Variants in N4BP1 observed in about 807,000 individuals in gnomAD.
The protein encoded by N4BP1 is NEDD4-binding protein 1.
N4BP1 carries 21 observed loss-of-function variants against 70.9 expected under a neutral mutation model. The observed-to-expected ratio is 0.30, with a 90% CI of 0.21 to 0.43. The LOEUF is 0.43. N4BP1 is among the 20% of genes least tolerant of loss of function. The pLI is 1.00. For synonymous variants in N4BP1, 387 were observed against 394.6 expected (o/e 0.98, Z 0.23); for missense variants, 936 against 1,069.4 (o/e 0.88, Z 1.74).
chr16:48,595,429 C>T (rs575118062), intron 1 of N4BP1, among the ~76,000 whole-genome samples: 29 of 125,148 alleles, frequency 2.3e-4, no homozygotes, highest in Admixed American at 7.8e-4. Context: ...TGCACTCAAG[C>T]CTGGGCAATA....
intron 1 of N4BP1, among the ~76,000 whole-genome samples, chr16:48,565,280 T>A (rs972686019): frequency 2.6e-5 from 4 of 152,230 alleles, no homozygotes; most frequent in African/African-American, 9.6e-5. Context: ...TTAAGAATGA[T>A]GTAACAGGGA....
At position 48,551,477 on chromosome 16, in the gene N4BP1, G is replaced by A. The variant is rs752744531; in HGVS notation, c.2026C>T (p.His676Tyr). The change falls in exon 4 of 7, where the codon CAC (histidine) becomes TAC (tyrosine). Residue 676 changes from histidine (H) to tyrosine (Y), a missense_variant. Around this residue, in one of 4 missense-constraint regions of N4BP1, gnomAD observed 229 missense variants for 343.5 expected, o/e 0.67. Coordinates refer to ENST00000262384, the MANE Select transcript of N4BP1 (RefSeq NM_153029.4). ...TRRDPNVTEQ[H>Y]FLTQLQELGI... ...AGCTCCTGGAGCTGGGTTAAGAAGT[G>A]CTGTTCTGTTCATGGAATAAGTTGA... The A allele has an allele frequency of 6.2e-7, 1 of 1,610,862 alleles. No homozygotes were observed. Among genetic ancestry groups the A allele is most frequent in the Admixed American group, 1.7e-5 (1 of 59,872 alleles).
At chr16:48,601,533 A>G (rs1200477340) in intron 1 of N4BP1, among the ~76,000 whole-genome samples, 2 of 152,172 alleles carry the variant, frequency 1.3e-5, no homozygotes, top group East Asian at 1.9e-4. Flanking sequence ...GAAGACTGGT[A>G]GGTAGGTAAT....
At chr16:48,593,994 T>TC (rs1041889926) in intron 1 of N4BP1, among the ~76,000 whole-genome samples, 1 of 93,010 alleles carries the variant, frequency 1.1e-5, no homozygotes, top group African/African-American at 5.4e-5. Context: ...AGAGCAAGAC[T>TC]CCGTCTCAAA....
intron 1 of N4BP1, among the ~76,000 whole-genome samples, chr16:48,566,674 C>T (rs1963947779): frequency 6.6e-6 from 1 of 152,094 alleles, no homozygotes; most frequent in African/African-American, 2.4e-5. Context: ...AATGTGTACT[C>T]TGATGTTGTT....
At chr16:48,584,354 C>T (rs914591641) in intron 1 of N4BP1, among the ~76,000 whole-genome samples, 1 of 152,130 alleles carries the variant, frequency 6.6e-6, no homozygotes, top group South Asian at 2.1e-4. Flanking sequence ...TTATTTTTAC[C>T]TGTGATTCAG....
intron 1 of N4BP1, among the ~76,000 whole-genome samples, chr16:48,589,875 G>A (rs1481201989): frequency 2.6e-5 from 4 of 152,146 alleles, no homozygotes; most frequent in African/African-American, 9.7e-5. Context: ...TCATTGCTGG[G>A]TGTAGGTCGA....
chr16:48,547,999 A>G lies in N4BP1; in HGVS notation c.2225+8T>C, dbSNP rs1382329142. 1.3e-6 allele frequency: 2 copies of G among 1,504,100 alleles called. No individual in the cohort carries two copies. The highest frequency in any genetic ancestry group is 3.5e-5 in the Admixed American group (2 of 57,254). 93.2% of individuals were successfully genotyped at this position (1,504,100 alleles called of 1,614,324 possible). A position where few individuals can be genotyped will look rare whatever the true frequency, so the allele number is the denominator to read the frequency against. ...TTTTCTGACCAAAGACAAAGAAGAAAATATTACCTTTTTGTAATAATTTCT... is the reference window on the plus strand; with the variant it reads ...TTTTCTGACCAAAGACAAAGAAGAAGATATTACCTTTTTGTAATAATTTCT... On this transcript the variant is annotated splice_region_variant and intron_variant, in intron 5 of 6. Coordinates refer to ENST00000262384, the MANE Select transcript of N4BP1 (RefSeq NM_153029.4).
chr16:48,578,631 C>T (rs1247037516), intron 1 of N4BP1, among the ~76,000 whole-genome samples: 1 of 152,180 alleles, frequency 6.6e-6, no homozygotes, highest in Admixed American at 6.6e-5. Flanking sequence ...GTTACAGTAC[C>T]AAAGTTCTGA....
chr16:48,555,714 C>T (rs989825794), intron 2 of N4BP1, among the ~76,000 whole-genome samples: 19 of 152,084 alleles, frequency 1.2e-4, no homozygotes, highest in African/African-American at 4.1e-4. Flanking sequence ...AATCATCCAT[C>T]ACTCTAATTG....
intron 4 of N4BP1, 100 bp downstream of exon 4, chr16:48,551,283 GCAT>G: frequency 1.4e-6 from 1 of 728,272 alleles, no homozygotes; most frequent in African/African-American, 1.8e-5. Flanking sequence ...TAAACCCACT[GCAT>G]CAAGCAGGTC....
chr16:48,606,281 T>C (rs763734274), intron 1 of N4BP1, among the ~76,000 whole-genome samples: 1 of 152,104 alleles, frequency 6.6e-6, no homozygotes, highest in African/African-American at 2.4e-5. Context: ...TACCACCCCC[T>C]ACCCCCTCAT....
chr16:48,559,425 G>A (rs544769050), intron 2 of N4BP1, among the ~76,000 whole-genome samples: 5 of 152,006 alleles, frequency 3.3e-5, no homozygotes, highest in East Asian at 1.9e-4. Context: ...CTTGAATTGC[G>A]GCTACTTAAA....
Position 48,558,892 on chromosome 16 carries a change from G to A in N4BP1, c.1889+1862C>T, listed in dbSNP as rs1444770071. Among the ~76,000 whole-genome samples, 3 of 152,158 alleles carry A rather than the reference G, an allele frequency of 2.0e-5. No individual in the cohort carries two copies. In the East Asian group the frequency reaches 5.8e-4, roughly 29 times the overall value. ...ATTTGGAAATGAAGATAAGCATATTGCATATTTTTGCTGCCTGTCTTCAAA... is the reference window on the plus strand; with the variant it reads ...ATTTGGAAATGAAGATAAGCATATTACATATTTTTGCTGCCTGTCTTCAAA... On this transcript the variant is annotated intron_variant, in intron 2 of 6. Coordinates refer to ENST00000262384, the MANE Select transcript of N4BP1 (RefSeq NM_153029.4).
At chr16:48,597,185 T>C (rs1264439593) in intron 1 of N4BP1, among the ~76,000 whole-genome samples, 1 of 152,208 alleles carries the variant, frequency 6.6e-6, no homozygotes, top group Non-Finnish European at 1.5e-5. Context: ...GCCAGCTCTG[T>C]GTGAATTACT....
At chr16:48,595,456 CAAAAAAAAAA>C (rs373163833) in intron 1 of N4BP1, among the ~76,000 whole-genome samples, 9 of 57,490 alleles carry the variant, frequency 1.6e-4, no homozygotes, top group Non-Finnish European at 2.3e-4. Context: ...GACTCTGTCT[CAAAAAAAAAA>C]AAAAAAAAAA....
chr16:48,552,010 T>TA (rs1348625485), intron 3 of N4BP1, among the ~76,000 whole-genome samples: 3 of 152,078 alleles, frequency 2.0e-5, no homozygotes, highest in African/African-American at 7.2e-5. Context: ...TAATGAAGCC[T>TA]ACCATCAAAA....
At chr16:48,596,511 T>C (rs1363843254) in intron 1 of N4BP1, among the ~76,000 whole-genome samples, 2 of 152,162 alleles carry the variant, frequency 1.3e-5, no homozygotes, top group Non-Finnish European at 2.9e-5. Flanking sequence ...CCCAACTTCA[T>C]AGCCCACACC....
intron 1 of N4BP1, among the ~76,000 whole-genome samples, chr16:48,597,122 C>A (rs1230004945): frequency 2.0e-5 from 3 of 152,172 alleles, no homozygotes; most frequent in Non-Finnish European, 4.4e-5. Flanking sequence ...ACTCTGATCC[C>A]CGAATATGGG....
Sources: gnomAD v4.1 joint callset for allele counts (sites outside exome capture counted in the v4.1 genomes callset) on GRCh38, gnomAD v4.1.1 for gene constraint, gnomAD v4.1.1 regional missense constraint, MANE v1.5 for transcripts, NCBI Gene and HGNC (gene_info 2026-07-23, HGNC 2026-07-21) for gene names.